The following RTTN variants were observed in gnomAD, a reference collection of about 807,000 sequenced individuals.
RTTN encodes the protein rotatin.
RTTN carries 182 observed loss-of-function variants against 269.2 expected under a neutral mutation model. The observed-to-expected ratio is 0.68, with a 90% CI of 0.60 to 0.76. RTTN has a LOEUF of 0.76. RTTN is among the 30% of genes least tolerant of loss of function. RTTN has a pLI of 0.00. For missense variants in RTTN, 2,545 were observed against 2,608.6 expected (o/e 0.98, Z 0.53); for synonymous variants, 1,006 against 963.5 (o/e 1.04, Z -0.82).
At chr18:70,091,571 CT>C (rs1186835690) in intron 30 of RTTN, 1 of 152,234 alleles carries the variant, frequency 6.6e-6, no homozygotes, top group Non-Finnish European at 1.5e-5. Context: ...TATGCCGGCA[CT>C]CTGATCTTGG....
chr18:70,194,302 A>C (rs2061750179), intron 7 of RTTN: 1 of 152,252 alleles, frequency 6.6e-6, no homozygotes, highest in Non-Finnish European at 1.5e-5. Flanking sequence ...AAAAAAATGA[A>C]CAAGTCAGTG....
intron 28 of RTTN, among the ~76,000 whole-genome samples, chr18:70,095,684 C>T (rs749509803): frequency 4.6e-5 from 7 of 152,146 alleles, no homozygotes; most frequent in Non-Finnish European, 8.8e-5. Flanking sequence ...CAGGGATGGG[C>T]TTCCCTTTGT....
chr18:70,042,250 A>G (rs2057362797), intron 40 of RTTN, among the ~76,000 whole-genome samples: 1 of 151,696 alleles, frequency 6.6e-6, no homozygotes, highest in Admixed American at 6.6e-5. Context: ...TACAATGGCT[A>G]AAACAGATCC....
At chr18:70,093,680 G>C (rs138590529) in intron 28 of RTTN, among the ~76,000 whole-genome samples, 3,657 of 152,262 alleles carry the variant, frequency 0.024, 156 homozygotes, top group East Asian at 0.2. Flanking sequence ...TAAGCTTTTT[G>C]ATGTGCTGCT....
chr18:70,186,928 T>C (rs553265543), intron 10 of RTTN, among the ~76,000 whole-genome samples: 2 of 152,290 alleles, frequency 1.3e-5, no homozygotes, highest in South Asian at 4.2e-4. Flanking sequence ...GCTTATTACC[T>C]GGGTGACAAA....
At chr18:70,029,758 T>A (rs1383382761) in intron 42 of RTTN, among the ~76,000 whole-genome samples, 1 of 152,226 alleles carries the variant, frequency 6.6e-6, no homozygotes, top group East Asian at 1.9e-4. Flanking sequence ...TGGCATAGTA[T>A]CATGTATATG....
chr18:70,143,284 A>C (rs2060306033), intron 18 of RTTN, among the ~76,000 whole-genome samples: 1 of 152,122 alleles, frequency 6.6e-6, no homozygotes, highest in South Asian at 2.1e-4. Context: ...TACCATAAAG[A>C]CACATGCATG....
chr18:70,076,463 T>C (rs1014795768), intron 32 of RTTN, among the ~76,000 whole-genome samples: 1 of 152,056 alleles, frequency 6.6e-6, no homozygotes, highest in Non-Finnish European at 1.5e-5. Context: ...AGAAGATGGA[T>C]ATTTTAACTT....
In RTTN at chr18:70,188,142, A is replaced by G. The variant is rs773064590; in HGVS notation, c.1271T>C (p.Ile424Thr). ...ACCAAAAAGGCTGCTGTCATCCCAG[A>G]TATCTGTTGAAATTGCTTCACCAAT... is the stretch of plus-strand genomic sequence containing the variant. ...TLIGEAISTD[I>T]WDDSSLFGID... is the part of the protein sequence containing the mutation. Residue 424 changes from isoleucine to threonine, a missense_variant, in exon 10 of 49, where the codon ATC becomes ACC. Ile to Thr is a moderately conservative substitution (Grantham distance 89, BLOSUM62 -1). Coordinates refer to ENST00000640769, the MANE Select transcript of RTTN (RefSeq NM_173630.4). The G allele has an allele frequency of 1.2e-6, 2 of 1,609,604 alleles. No individual in the cohort carries two copies. The highest frequency in any genetic ancestry group is 1.7e-5 in the Admixed American group (1 of 60,016).
chr18:70,096,611 G>A (rs1207067304), intron 28 of RTTN, among the ~76,000 whole-genome samples: 1 of 152,174 alleles, frequency 6.6e-6, no homozygotes, highest in African/African-American at 2.4e-5. Flanking sequence ...TGTTTGCCTG[G>A]GTATCACCAG....
chr18:70,161,630 T>C (rs986800863), intron 14 of RTTN, among the ~76,000 whole-genome samples: 2 of 152,156 alleles, frequency 1.3e-5, no homozygotes, highest in Non-Finnish European at 2.9e-5. Flanking sequence ...CCAGAATCTA[T>C]AAGGAACTTA....
At chr18:70,073,441 T>C (rs1599394460) in intron 34 of RTTN, among the ~76,000 whole-genome samples, 1 of 152,318 alleles carries the variant, frequency 6.6e-6, no homozygotes, top group East Asian at 1.9e-4. Flanking sequence ...ATGTTCTTCA[T>C]ATTGCCCTGC....
At chr18:70,076,590 TCAATA>T (rs1246685449) in intron 32 of RTTN, among the ~76,000 whole-genome samples, 1 of 152,052 alleles carries the variant, frequency 6.6e-6, no homozygotes, top group Non-Finnish European at 1.5e-5. Context: ...TTAAACCTCT[TCAATA>T]TTCAATGTCT....
intron 28 of RTTN, among the ~76,000 whole-genome samples, chr18:70,106,834 A>G (rs2059333665): frequency 6.6e-6 from 1 of 152,200 alleles, no homozygotes; most frequent in South Asian, 2.1e-4. Context: ...TTATCAGAAA[A>G]TTCCATGTCT....
intron 27 of RTTN, 45 bp downstream of exon 27, chr18:70,114,400 G>C (rs746139728): frequency 1.3e-6 from 2 of 1,536,836 alleles, no homozygotes; most frequent in Non-Finnish European, 1.8e-6. Flanking sequence ...AGAAAACTTG[G>C]GTTCTATATA....
intron 38 of RTTN, among the ~76,000 whole-genome samples, chr18:70,051,896 T>C (rs373329062): frequency 1.3e-5 from 2 of 152,168 alleles, no homozygotes; most frequent in Non-Finnish European, 2.9e-5. Flanking sequence ...TCATTGTTTG[T>C]GCTACTTTTG....
chr18:70,016,934 T>C (rs1296467440), intron 46 of RTTN, among the ~76,000 whole-genome samples: 1 of 152,004 alleles, frequency 6.6e-6, no homozygotes, highest in Non-Finnish European at 1.5e-5. Flanking sequence ...ATCTATCAGA[T>C]GGCGATAATA....
At chr18:70,168,781 A>G in intron 12 of RTTN, 74 bp downstream of exon 12, 2 of 1,126,178 alleles carry the variant, frequency 1.8e-6, no homozygotes, top group South Asian at 3.1e-5. Flanking sequence ...TATGTCCATC[A>G]ATTTGAAAAG....
chr18:70,024,995 T>TC (rs1394171491), intron 43 of RTTN, 147 bp from the exon 44 acceptor site: 3 of 864,232 alleles, frequency 3.5e-6, no homozygotes, highest in Admixed American at 3.0e-5. Context: ...CCCATTGGGC[T>TC]CCACACATGG....
Sources: allele counts gnomAD v4.1 joint callset (sites outside exome capture counted in the v4.1 genomes callset), GRCh38; gene constraint gnomAD v4.1.1; transcripts MANE v1.5; gene names NCBI Gene and HGNC (gene_info 2026-07-23, HGNC 2026-07-21).